The following MRTFB variants were observed in gnomAD, a reference collection of about 807,000 sequenced individuals.
MRTFB encodes the protein myocardin-related transcription factor B.
In MRTFB, 29 loss-of-function variants were observed where a neutral mutation model predicts 104.2. The ratio of observed to expected loss-of-function variants is 0.28; its 90% CI spans 0.21 to 0.38. The LOEUF is 0.38. MRTFB is among the 10% of genes least tolerant of loss of function. The probability of loss-of-function intolerance (pLI) is 1.00; values close to 1 mark genes in which losing one functional copy is unlikely to be tolerated. For missense variants in MRTFB, 1,270 were observed against 1,341.6 expected (o/e 0.95, Z 0.83); for synonymous variants, 535 against 519.5 (o/e 1.03, Z -0.41).
intron 7 of MRTFB, among the ~76,000 whole-genome samples, chr16:14,218,287 C>CTGACCTCA (rs1416182559): frequency 6.6e-6 from 1 of 152,138 alleles, no homozygotes; most frequent in Non-Finnish European, 1.5e-5. Flanking sequence ...TCTCGATCTC[C>CTGACCTCA]TGACCTCATG....
chr16:14,051,124 A>G, the MRTFB span, among the ~76,000 whole-genome samples: 1 of 152,164 alleles, frequency 6.6e-6, no homozygotes, highest in African/African-American at 2.4e-5. Context: ...ACAGAGGCAC[A>G]CAGAGACAAA....
intron 3 of MRTFB, among the ~76,000 whole-genome samples, chr16:14,162,645 T>C (rs539887357): frequency 6.6e-6 from 1 of 152,328 alleles, no homozygotes; most frequent in African/African-American, 2.4e-5. Flanking sequence ...ATATACTATA[T>C]GATTCCATTT....
Position 14,234,288 on chromosome 16 carries a change from GTACTTTGGA to G in MRTFB, c.831+9_831+17del, listed in dbSNP as rs766329592. Reference sequence around the variant, plus strand: ...CCTGGCCCAGCACTGGTGAAGGTGGGTACTTTGGATACACCCTGGGTTTGGTGGCTTTAT... The same window carrying G: ...CCTGGCCCAGCACTGGTGAAGGTGGGTACACCCTGGGTTTGGTGGCTTTAT... On this transcript the variant is annotated splice_donor_region_variant and intron_variant, in intron 9 of 16. Transcript: ENST00000571589. 13 of 1,613,450 alleles carry G rather than the reference GTACTTTGGA, an allele frequency of 8.1e-6. No homozygotes were observed. The highest frequency in any genetic ancestry group is 1.1e-5 in the Non-Finnish European group (13 of 1,179,792).
the MRTFB span, among the ~76,000 whole-genome samples, chr16:14,040,489 G>A: frequency 6.8e-6 from 1 of 146,528 alleles, no homozygotes; most frequent in Non-Finnish European, 1.5e-5. Context: ...TTGAGATGGA[G>A]TCTGGCTCTG....
the MRTFB span, among the ~76,000 whole-genome samples, chr16:14,040,466 C>T: frequency 2.8e-5 from 4 of 144,442 alleles, no homozygotes; most frequent in Non-Finnish European, 6.0e-5. Flanking sequence ...ATTACTAAAT[C>T]TTTTTTTTTT....
chr16:14,227,291 CAAA>C (rs2042049284), intron 8 of MRTFB, among the ~76,000 whole-genome samples: 2 of 149,628 alleles, frequency 1.3e-5, no homozygotes, highest in Non-Finnish European at 1.5e-5. Flanking sequence ...AAAACAAAAA[CAAA>C]ACAAAAAGAA....
chr16:14,208,839 T>G (rs1412050700), intron 3 of MRTFB, among the ~76,000 whole-genome samples: 1 of 152,168 alleles, frequency 6.6e-6, no homozygotes, highest in Admixed American at 6.5e-5. Flanking sequence ...ACAGAACATC[T>G]TAATGTCAGG....
chr16:14,251,309 G>A (rs577653005), intron 13 of MRTFB, among the ~76,000 whole-genome samples: 15 of 150,010 alleles, frequency 1.0e-4, no homozygotes, highest in African/African-American at 2.7e-4. Context: ...CCTGGGAGGC[G>A]GAGCTTGCAG....
chr16:14,257,539 ACTAAT>A (rs1266993586), intron 15 of MRTFB, among the ~76,000 whole-genome samples: 1 of 152,086 alleles, frequency 6.6e-6, no homozygotes, highest in Non-Finnish European at 1.5e-5. Flanking sequence ...TTCATATAAA[ACTAAT>A]CTATAGTGAA....
chr16:14,143,509 C>G (rs530448522), intron 3 of MRTFB: 1 of 131,060 alleles, frequency 7.6e-6, no homozygotes. Context: ...AGTACTGATT[C>G]TTTTTTTTTT....
Position 14,240,448 on chromosome 16 carries a change from A to G in MRTFB, c.1043A>G (p.His348Arg), listed in dbSNP as rs1393598491. 1 of 1,614,128 alleles carries G rather than the reference A, an allele frequency of 6.2e-7. No homozygotes were observed. Among genetic ancestry groups the G allele is most frequent in the Non-Finnish European group, 8.5e-7 (1 of 1,180,050 alleles). ...CAGATCCTGAGTCAGCAGAAGCAGC[A>G]CTACAACTACCAGACCATCCTGCCT... is the stretch of plus-strand genomic sequence containing the variant. ...QLQILSQQKQHYNYQTILPAP... is the reference protein window; with the variant it reads ...QLQILSQQKQRYNYQTILPAP... Residue 348 changes from histidine to arginine, a missense_variant, in exon 10 of 17, where the codon CAC becomes CGC. Physicochemically the swap from His to Arg is conservative, Grantham distance 29. Transcript: ENST00000571589.
At chr16:14,023,724 A>G in the MRTFB span, among the ~76,000 whole-genome samples, 2 of 151,860 alleles carry the variant, frequency 1.3e-5, no homozygotes, top group East Asian at 1.9e-4. Context: ...CAAGGAGTGA[A>G]TAAGTTTACA....
At position 14,234,150 on chromosome 16, in the gene MRTFB, C is replaced by T; in HGVS notation, c.698C>T (p.Ala233Val). The T allele has an allele frequency of 1.2e-6, 2 of 1,613,010 alleles. No individual in the cohort carries two copies. Among genetic ancestry groups the T allele is most frequent in the East Asian group, 4.5e-5 (2 of 44,868 alleles). ...CCTTTTTGCCTTTTCCACCAGTTTG[C>T]TTCAGTGTCCCCAACAGTTCCTGAA... ...PVTTNTPAQFASVSPTVPEFL... is the reference protein window; with the variant it reads ...PVTTNTPAQFVSVSPTVPEFL... Residue 233 changes from alanine to valine, a missense_variant, in exon 9 of 17, where the codon GCT becomes GTT. By Grantham distance (64) the Ala-to-Val change is moderately conservative. Transcript: ENST00000571589.
chr16:14,062,378 C>T, the MRTFB span, among the ~76,000 whole-genome samples: 585 of 152,318 alleles, frequency 3.8e-3, 3 homozygotes, highest in Non-Finnish European at 6.7e-3. Context: ...AGATTACAGG[C>T]GTGAGCCACC....
At chr16:14,037,548 T>G in the MRTFB span, among the ~76,000 whole-genome samples, 2,476 of 152,284 alleles carry the variant, frequency 0.016, 68 homozygotes, top group African/African-American at 0.056. Flanking sequence ...TGTATAACTT[T>G]GTGTTTTGAA....
intron 3 of MRTFB, among the ~76,000 whole-genome samples, chr16:14,176,080 A>G (rs571897611): frequency 6.6e-6 from 1 of 152,360 alleles, no homozygotes; most frequent in South Asian, 2.1e-4. Flanking sequence ...GATGCACCTT[A>G]TCATCTTTAA....
chr16:14,082,796 T>A (rs1006818972), intron 2 of MRTFB, among the ~76,000 whole-genome samples: 1 of 151,986 alleles, frequency 6.6e-6, no homozygotes, highest in Non-Finnish European at 1.5e-5. Context: ...TAATAATATA[T>A]AAATAAAATA....
chr16:14,045,221 A>C, the MRTFB span, among the ~76,000 whole-genome samples: 2 of 152,048 alleles, frequency 1.3e-5, no homozygotes, highest in African/African-American at 2.4e-5. Context: ...CCTCTGCCTA[A>C]CTCTGTTGTA....
At chr16:14,014,161 G>A in the MRTFB span, among the ~76,000 whole-genome samples, 3 of 152,102 alleles carry the variant, frequency 2.0e-5, no homozygotes, top group Non-Finnish European at 2.9e-5. Flanking sequence ...AATAAATCAC[G>A]GTGTTTCCCA....
Sources: allele counts gnomAD v4.1 joint callset (sites outside exome capture counted in the v4.1 genomes callset), GRCh38; gene constraint gnomAD v4.1.1; transcripts MANE v1.5; gene names NCBI Gene and HGNC (gene_info 2026-07-23, HGNC 2026-07-21).